CDH10: variants seen among roughly 807,000 people sequenced by gnomAD.
CDH10 encodes cadherin 10.
A neutral mutation model predicts 73.1 loss-of-function variants in CDH10; 30 were observed. The ratio of observed to expected loss-of-function variants is 0.41; its 90% CI spans 0.31 to 0.56. The LOEUF is 0.56. Among genes scored for constraint, CDH10 ranks in the 20% least tolerant of loss-of-function variants. The probability of loss-of-function intolerance (pLI) is 0.27; values close to 1 mark genes in which losing one functional copy is unlikely to be tolerated. For missense variants in CDH10, 815 were observed against 973.7 expected (o/e 0.84, Z 2.17); for synonymous variants, 345 against 348.2 (o/e 0.99, Z 0.10).
At position 24,593,498 on chromosome 5, in the gene CDH10, T is replaced by G; in HGVS notation, c.-8A>C. On this transcript the variant is annotated 5_prime_UTR_variant, in exon 2 of 12. Coordinates refer to ENST00000264463, the MANE Select transcript of CDH10 (RefSeq NM_006727.5). ...AAATTGATGTATTGTCATAGTTCAC[T>G]TCTTGACAAATCCCAGTGTAGATGA... 6.8e-7 allele frequency: 1 copy of G among 1,477,054 alleles called. No individual in the cohort carries two copies. Among genetic ancestry groups the G allele is most frequent in the East Asian group, 2.3e-5 (1 of 44,160 alleles). The allele number at this position is 1,477,054 out of a possible 1,614,324, so 91.5% of individuals were successfully genotyped here.
At chr5:24,628,836 C>T (rs1442879476) in intron 1 of CDH10, among the ~76,000 whole-genome samples, 3 of 127,608 alleles carry the variant, frequency 2.4e-5, no homozygotes, top group Non-Finnish European at 5.0e-5. Context: ...CCACCCCGCT[C>T]CCCACCTTGA....
At chr5:24,522,097 G>T (rs982860204) in intron 5 of CDH10, among the ~76,000 whole-genome samples, 1 of 152,064 alleles carries the variant, frequency 6.6e-6, no homozygotes, top group South Asian at 2.1e-4. Context: ...TTGTGCCACT[G>T]CACTCCAGTG....
chr5:24,568,925 G>A lies in CDH10; in HGVS notation c.231+24335C>T, dbSNP rs536299894. Among the ~76,000 whole-genome samples, 4 of 151,984 alleles carry A rather than the reference G, an allele frequency of 2.6e-5. No individual in the cohort carries two copies. The South Asian group carries it at 8.3e-4, about 32-fold the overall frequency. On this transcript the variant is annotated intron_variant, in intron 2 of 11. Coordinates refer to ENST00000264463, the MANE Select transcript of CDH10 (RefSeq NM_006727.5). ...AGGAGTTCAAAACTAGCCTGGCCAA[G>A]ATAATGAAACCCTGTCTCAACTAAA...
rs139408107 is a variant in CDH10, at chr5:24,633,297, A to C, written c.-124+11297T>G. Among the ~76,000 whole-genome samples, 251 of 151,992 alleles carry C rather than the reference A, an allele frequency of 1.7e-3. 2 individuals carry two copies. Among genetic ancestry groups the C allele is most frequent in the African/African-American group, 5.8e-3 (240 of 41,546 alleles). On this transcript the variant is annotated intron_variant, in intron 1 of 11. Transcript: ENST00000264463. The stretch of plus-strand genomic sequence containing the variant: ...GGTCTTCCTCTTCTGCAAGTACATT[A>C]CTACTTTATAAAAAACCCAGTCAAA...
chr5:24,488,725 ATTAG>A (rs1048677175), intron 11 of CDH10, among the ~76,000 whole-genome samples: 4 of 151,950 alleles, frequency 2.6e-5, no homozygotes, highest in African/African-American at 4.8e-5. Flanking sequence ...AAAAAAACAG[ATTAG>A]TTAGAGTTAG....
intron 7 of CDH10, among the ~76,000 whole-genome samples, chr5:24,506,384 G>A (rs1742698761): frequency 6.6e-6 from 1 of 152,180 alleles, no homozygotes; most frequent in Admixed American, 6.5e-5. Flanking sequence ...GAAAATCATT[G>A]TGTCTCTCCA....
At chr5:24,544,099 T>C (rs1222353450) in intron 2 of CDH10, among the ~76,000 whole-genome samples, 1 of 151,996 alleles carries the variant, frequency 6.6e-6, no homozygotes, top group Admixed American at 6.6e-5. Flanking sequence ...ATCGAGACCA[T>C]CCTGGGCAAC....
chr5:24,600,486 A>T (rs1746519100), intron 1 of CDH10, among the ~76,000 whole-genome samples: 2 of 152,168 alleles, frequency 1.3e-5, no homozygotes, highest in Non-Finnish European at 2.9e-5. Flanking sequence ...AAGAATTAAC[A>T]ATGGGAATCC....
chr5:24,512,344 G>T (rs1742946859), intron 5 of CDH10, among the ~76,000 whole-genome samples: 1 of 152,112 alleles, frequency 6.6e-6, no homozygotes, highest in Non-Finnish European at 1.5e-5. Context: ...TTTGAGGGCA[G>T]ATATGTATTT....
chr5:24,525,652 A>C (rs989729036), intron 5 of CDH10, among the ~76,000 whole-genome samples: 1 of 152,062 alleles, frequency 6.6e-6, no homozygotes, highest in Admixed American at 6.6e-5. Context: ...GTCACACCAG[A>C]GACTGAGAAA....
Position 24,593,616 on chromosome 5 carries a change from T to TCAAA in CDH10, c.-123-7_-123-4dup, listed in dbSNP as rs544547791. On this transcript the variant is annotated splice_region_variant and splice_polypyrimidine_tract_variant and intron_variant, in intron 1 of 11. Transcript: ENST00000264463. ...TGTTTTGTTCATGTTTCCCAAAGCT[T>TCAAA]CAAACAAACAAACAAACAAAAAAAG... 10 of 565,764 alleles carry TCAAA rather than the reference T, an allele frequency of 1.8e-5. No homozygotes were observed. Among genetic ancestry groups the TCAAA allele is most frequent in the Non-Finnish European group, 2.2e-5 (7 of 319,440 alleles). 35.0% of individuals were successfully genotyped at this position (565,764 alleles called of 1,614,324 possible).
At position 24,621,197 on chromosome 5, in the gene CDH10, C is replaced by CA. The variant is rs1255474644; in HGVS notation, c.-124+23396dup. 2.1e-4 allele frequency among the ~76,000 whole-genome samples: 32 copies of CA among 152,248 alleles called. 1 individual carries two copies. The highest frequency in any genetic ancestry group is 1.9e-3 in the Admixed American group (29 of 15,300). On this transcript the variant is annotated intron_variant, in intron 1 of 11. Transcript: ENST00000264463. Reference sequence around the variant, plus strand: ...TCTCACCTACAGTGCCAATGAGTGTCAGAGAAGCAGTGTGCACAAGGAGTC... The same window carrying CA: ...TCTCACCTACAGTGCCAATGAGTGTCAAGAGAAGCAGTGTGCACAAGGAGTC...
At chr5:24,534,166 A>T (rs1251463637) in intron 5 of CDH10, among the ~76,000 whole-genome samples, 1 of 152,124 alleles carries the variant, frequency 6.6e-6, no homozygotes, top group Non-Finnish European at 1.5e-5. Flanking sequence ...TTACAAAAAA[A>T]GCTACTGCCT....
chr5:24,623,838 C>A (rs1289084549), intron 1 of CDH10, among the ~76,000 whole-genome samples: 3 of 152,074 alleles, frequency 2.0e-5, no homozygotes, highest in Non-Finnish European at 4.4e-5. Context: ...CTCTTTTTTT[C>A]ACATAACTGT....
At chr5:24,604,045 G>T (rs1052901023) in intron 1 of CDH10, among the ~76,000 whole-genome samples, 29 of 152,166 alleles carry the variant, frequency 1.9e-4, no homozygotes, top group African/African-American at 6.7e-4. Context: ...CTTCTAGATT[G>T]AAATAAAAAT....
intron 2 of CDH10, among the ~76,000 whole-genome samples, chr5:24,563,768 C>G (rs2111997736): frequency 1.2e-5 from 1 of 81,936 alleles, no homozygotes; most frequent in East Asian, 3.9e-4. Context: ...GACTCCGCCC[C>G]CTCCACCAAA....
Position 24,538,737 on chromosome 5 carries a change from G to A in CDH10, c.232-1063C>T, listed in dbSNP as rs75604700. ...AAGCAAGCTCCGGAATGTTTGGGCA[G>A]GAAATAATGGGCCCAATGACCTTGA... On this transcript the variant is annotated intron_variant, in intron 2 of 11. Coordinates refer to ENST00000264463, the MANE Select transcript of CDH10 (RefSeq NM_006727.5). 9.3e-3 allele frequency among the ~76,000 whole-genome samples: 1,410 copies of A among 152,192 alleles called. 15 individuals are homozygous for A. Among genetic ancestry groups the A allele is most frequent in the Non-Finnish European group, 0.013 (858 of 67,982 alleles).
chr5:24,593,085 T>G (rs1746254353), intron 2 of CDH10, among the ~76,000 whole-genome samples, 175 bp downstream of exon 2: 1 of 151,936 alleles, frequency 6.6e-6, no homozygotes. Context: ...TTTATCATTT[T>G]ATATTCATTC....
At chr5:24,595,983 T>C (rs1474685205) in intron 1 of CDH10, among the ~76,000 whole-genome samples, 2 of 151,772 alleles carry the variant, frequency 1.3e-5, no homozygotes, top group Non-Finnish European at 2.9e-5. Context: ...TCCTGAAGAA[T>C]CCCCAGTAAA....
Sources: allele counts gnomAD v4.1 joint callset (sites outside exome capture counted in the v4.1 genomes callset), GRCh38; gene constraint gnomAD v4.1.1; transcripts MANE v1.5; gene names NCBI Gene and HGNC (gene_info 2026-07-23, HGNC 2026-07-21).